ERG: variants seen among roughly 807,000 people sequenced by gnomAD.
ERG encodes the protein ETS transcription factor ERG.
In ERG, 9 loss-of-function variants were observed where a neutral mutation model predicts 55.3. That is an observed-to-expected ratio of 0.16 (90% CI 0.10 to 0.28). ERG has a LOEUF of 0.28. ERG is among the 10% of genes least tolerant of loss of function. ERG has a pLI of 1.00. For missense variants in ERG, 434 were observed against 631.6 expected (o/e 0.69, Z 3.35); for synonymous variants, 223 against 237.3 (o/e 0.94, Z 0.55).
chr21:38,435,214 G>A (rs963147244), intron 2 of ERG, among the ~76,000 whole-genome samples: 4 of 152,114 alleles, frequency 2.6e-5, no homozygotes, highest in East Asian at 1.9e-4. Flanking sequence ...TCTTCATAAG[G>A]ATCCTAAAAG....
chr21:38,653,162 T>C (rs907376582), intron 1 of ERG, among the ~76,000 whole-genome samples: 15 of 152,182 alleles, frequency 9.9e-5, no homozygotes, highest in African/African-American at 3.6e-4. Context: ...CTAGATTCCA[T>C]AGCATGCGGA....
intron 2 of ERG, among the ~76,000 whole-genome samples, chr21:38,571,874 A>G (rs1014900354): frequency 2.0e-4 from 30 of 152,216 alleles, no homozygotes; most frequent in Admixed American, 3.9e-4. Flanking sequence ...CCTCCAGGAC[A>G]GCCTACGGAC....
At chr21:38,446,226 C>CAAAAAA (rs71184626) in intron 1 of ERG, among the ~76,000 whole-genome samples, 2 of 63,596 alleles carry the variant, frequency 3.1e-5, no homozygotes, top group African/African-American at 7.6e-5. Context: ...ATAAATGAAC[C>CAAAAAA]AAAAAAAAAA....
chr21:38,639,322 A>T (rs1269933506), intron 1 of ERG, among the ~76,000 whole-genome samples: 1 of 152,162 alleles, frequency 6.6e-6, no homozygotes, highest in Admixed American at 6.5e-5. Context: ...AAAATCTAAC[A>T]ATCACGAAGA....
intron 2 of ERG, among the ~76,000 whole-genome samples, chr21:38,529,247 T>C (rs1265398161): frequency 6.6e-6 from 1 of 152,166 alleles, no homozygotes; most frequent in Non-Finnish European, 1.5e-5. Context: ...GACTTCTGTG[T>C]GGAGAACAGT....
chr21:38,564,778 CCCT>C (rs1339282258), intron 2 of ERG, among the ~76,000 whole-genome samples: 2 of 152,094 alleles, frequency 1.3e-5, no homozygotes, highest in Admixed American at 6.5e-5. Context: ...CTGTAGTTCC[CCCT>C]CCTCTTTCCA....
chr21:38,392,329 C>T (rs2146430995), intron 7 of ERG, 47 bp downstream of exon 7: 1 of 1,419,482 alleles, frequency 7.0e-7, no homozygotes, highest in Non-Finnish European at 9.7e-7. Context: ...AACAGTCATC[C>T]ACTGCCTGTG....
chr21:38,633,005 T>A (rs1318943831), intron 1 of ERG, among the ~76,000 whole-genome samples: 1 of 152,104 alleles, frequency 6.6e-6, no homozygotes, highest in Non-Finnish European at 1.5e-5. Context: ...GATGAATAAA[T>A]GAAATTTAGA....
At chr21:38,661,579 C>T (rs1319247827) in intron 1 of ERG, 1 of 152,278 alleles carries the variant, frequency 6.6e-6, no homozygotes, top group Non-Finnish European at 1.5e-5. Flanking sequence ...CTCAGCTTGT[C>T]CGCCTCCGGG....
intron 1 of ERG, among the ~76,000 whole-genome samples, chr21:38,580,317 T>C (rs1374193792): frequency 6.6e-6 from 1 of 152,236 alleles, no homozygotes; most frequent in Non-Finnish European, 1.5e-5. Flanking sequence ...AGGTATTTTA[T>C]GGATTTTTTA....
intron 2 of ERG, among the ~76,000 whole-genome samples, chr21:38,425,383 C>CA (rs1053425235): frequency 1.4e-5 from 2 of 142,314 alleles, no homozygotes; most frequent in African/African-American, 2.6e-5. Context: ...GAAACTCCAT[C>CA]AAAAAAAGAA....
At chr21:38,432,092 T>C (rs1360711803) in intron 2 of ERG, among the ~76,000 whole-genome samples, 4 of 152,118 alleles carry the variant, frequency 2.6e-5, no homozygotes, top group Non-Finnish European at 5.9e-5. Flanking sequence ...CTAGATTTGA[T>C]TTGATTTTAT....
upstream of ERG, among the ~76,000 whole-genome samples, chr21:38,499,856 A>G (rs2059408039): frequency 1.5e-5 from 2 of 137,498 alleles, no homozygotes. Context: ...GGAGGAAGGA[A>G]GGAGAAAGGG....
intron 1 of ERG, among the ~76,000 whole-genome samples, chr21:38,491,174 A>G (rs1239714598): frequency 1.3e-5 from 2 of 151,512 alleles, no homozygotes; most frequent in East Asian, 3.9e-4. Context: ...CTTCTTCCTC[A>G]AAGGTGAGCA....
rs936367940 is a variant in ERG at position 38,428,653 on chromosome 21, CCTTTTAAACATACACATA to C, written c.237-5110_237-5093del. Among the ~76,000 whole-genome samples, 9 of 152,246 alleles carry C rather than the reference CCTTTTAAACATACACATA, an allele frequency of 5.9e-5. No individual in the cohort carries two copies. The South Asian group carries it at 6.2e-4, about 11-fold the overall frequency. On this transcript the variant is annotated intron_variant, in intron 2 of 9. Transcript: ENST00000288319. ...GCCTTCCTGAAATGAAGACTAGTTA[CCTTTTAAACATACACATA>C]CTTTTAAACATACACATACTTGCAT...
At chr21:38,646,000 TG>T (rs1272821228) in intron 1 of ERG, among the ~76,000 whole-genome samples, 3 of 152,138 alleles carry the variant, frequency 2.0e-5, no homozygotes, top group Non-Finnish European at 4.4e-5. Flanking sequence ...TAGTCTTGAC[TG>T]GGTGTGGTGG....
intron 3 of ERG, among the ~76,000 whole-genome samples, chr21:38,409,079 T>C (rs1341927587): frequency 6.6e-6 from 1 of 152,184 alleles, no homozygotes; most frequent in Non-Finnish European, 1.5e-5. Flanking sequence ...ATTATGCATA[T>C]GGCTATATGC....
At chr21:38,428,194 AAG>A (rs1375342955) in intron 2 of ERG, among the ~76,000 whole-genome samples, 28 of 151,968 alleles carry the variant, frequency 1.8e-4, no homozygotes, top group South Asian at 6.2e-4. Flanking sequence ...AAAAAAACAA[AAG>A]AGAGAAAAAA....
chr21:38,528,856 C>T (rs1175526327), intron 2 of ERG, among the ~76,000 whole-genome samples: 7 of 151,878 alleles, frequency 4.6e-5, no homozygotes, highest in Non-Finnish European at 8.8e-5. Context: ...ATTGAGAGAA[C>T]CACAATATTA....
Sources: allele counts gnomAD v4.1 joint callset (sites outside exome capture counted in the v4.1 genomes callset), GRCh38; gene constraint gnomAD v4.1.1; transcripts MANE v1.5; gene names NCBI Gene and HGNC (gene_info 2026-07-23, HGNC 2026-07-21).